FARS2: variants seen among roughly 807,000 people sequenced by gnomAD.
FARS2 encodes phenylalanine--tRNA ligase, mitochondrial.
A neutral mutation model predicts 46.4 loss-of-function variants in FARS2; 40 were observed. That is an observed-to-expected ratio of 0.86 (90% CI 0.67 to 1.12). The LOEUF is 1.12. Ranked by LOEUF, FARS2 falls within the 50% of genes most tolerant of loss-of-function variation. The pLI is 0.00. For synonymous variants in FARS2, 234 were observed against 214.9 expected, an observed-to-expected ratio of 1.09 and a Z score of -0.78; for missense variants, 513 against 567.9, an observed-to-expected ratio of 0.90 and a Z score of 0.98.
intron 1 of FARS2, among the ~76,000 whole-genome samples, chr6:5,312,482 G>A (rs1291089522): frequency 2.0e-5 from 3 of 152,176 alleles, no homozygotes; most frequent in Non-Finnish European, 4.4e-5. Context: ...CAGTGGTCCT[G>A]AAGATTAGAC....
chr6:5,278,248 C>G (rs1766475751), intron 1 of FARS2, among the ~76,000 whole-genome samples: 1 of 152,194 alleles, frequency 6.6e-6, no homozygotes, highest in South Asian at 2.1e-4. Context: ...AACCTATTCT[C>G]TCCTCACCCC....
At position 5,606,462 on chromosome 6, in the gene FARS2, C is replaced by T. The variant is rs534727168; in HGVS notation, c.1066-6707C>T. Among the ~76,000 whole-genome samples the T allele has an allele frequency of 4.0e-3, 606 of 152,030 alleles. 4 individuals are homozygous for T. Among genetic ancestry groups the T allele is most frequent in the African/African-American group, 0.014 (575 of 41,480 alleles). ...TGAGGGGTTTCAGACATGTAAATAC[C>T]GAGAGAGTTTGCCTCCTGTGGACTT... is the stretch of plus-strand genomic sequence containing the variant. On this transcript the variant is annotated intron_variant, in intron 5 of 6. Coordinates refer to ENST00000274680, the MANE Select transcript of FARS2 (RefSeq NM_006567.5).
intron 1 of FARS2, among the ~76,000 whole-genome samples, chr6:5,360,038 G>A (rs1758201751): frequency 6.6e-6 from 1 of 152,114 alleles, no homozygotes; most frequent in Non-Finnish European, 1.5e-5. Flanking sequence ...TAGAAATTAG[G>A]TACACCAAAT....
chr6:5,432,327 A>AT (rs1331215297), intron 4 of FARS2, among the ~76,000 whole-genome samples: 748 of 60,798 alleles, frequency 0.012, 4 homozygotes, highest in East Asian at 0.06. Flanking sequence ...AAAAAAAAAA[A>AT]ATATATATAT....
intron 3 of FARS2, among the ~76,000 whole-genome samples, chr6:5,422,977 A>G (rs918753834): frequency 6.6e-6 from 1 of 152,144 alleles, no homozygotes; most frequent in African/African-American, 2.4e-5. Context: ...ACAAAATTGA[A>G]GCAGTGCGAG....
chr6:5,483,508 A>C (rs1425109358), intron 4 of FARS2, among the ~76,000 whole-genome samples: 2 of 152,068 alleles, frequency 1.3e-5, no homozygotes, highest in Non-Finnish European at 2.9e-5. Context: ...TCTTACTAAA[A>C]ATACAAAAAT....
Position 5,471,609 on chromosome 6 carries a change from C to T in FARS2, c.904+40437C>T, listed in dbSNP as rs1283136921. 1.3e-5 allele frequency among the ~76,000 whole-genome samples: 2 copies of T among 152,142 alleles called. No homozygotes were observed. The highest frequency in any genetic ancestry group is 6.5e-5 in the Admixed American group (1 of 15,280). ...ATTCTAGTGGCTCTTTGCTTTTAAC[C>T]AACAAAGGCCCTTAAGAAAAGGAAA... On this transcript the variant is annotated intron_variant, in intron 4 of 6. Coordinates refer to ENST00000274680, the MANE Select transcript of FARS2 (RefSeq NM_006567.5). The surrounding 1 kb of genome is among the most constrained non-coding windows in gnomAD (Gnocchi z 4.1).
At chr6:5,690,687 C>A (rs1433701253) in intron 6 of FARS2, among the ~76,000 whole-genome samples, 2 of 152,082 alleles carry the variant, frequency 1.3e-5, no homozygotes, top group East Asian at 3.9e-4. Flanking sequence ...TGGAGTTGCT[C>A]TTCTCGAGGA....
At chr6:5,529,565 C>A (rs1303881784) in intron 4 of FARS2, among the ~76,000 whole-genome samples, 1 of 152,202 alleles carries the variant, frequency 6.6e-6, no homozygotes, top group Non-Finnish European at 1.5e-5. Context: ...CTCAGCCTCT[C>A]AAAGTGCTGG....
intron 5 of FARS2, chr6:5,609,650 G>T: frequency 8.1e-7 from 1 of 1,229,548 alleles, no homozygotes; most frequent in Non-Finnish European, 1.2e-6. Context: ...CTTTGACAGG[G>T]CTTTCCTAAC....
At chr6:5,436,345 A>G (rs772280117) in intron 4 of FARS2, among the ~76,000 whole-genome samples, 6 of 151,254 alleles carry the variant, frequency 4.0e-5, no homozygotes, top group Non-Finnish European at 5.9e-5. Context: ...TATAGCCTCT[A>G]CACATACTTA....
intron 5 of FARS2, among the ~76,000 whole-genome samples, chr6:5,596,550 G>A (rs7739718): frequency 0.83 from 126,235 of 152,216 alleles, 52,520 homozygotes; most frequent in African/African-American, 0.89. Flanking sequence ...TAAAGGGCTT[G>A]GAATTTTAGC....
chr6:5,437,394 A>C (rs1287431232), intron 4 of FARS2, among the ~76,000 whole-genome samples: 2 of 152,142 alleles, frequency 1.3e-5, no homozygotes, highest in Non-Finnish European at 2.9e-5. Context: ...TCTTCTTTCT[A>C]TGTTTACTGA....
chr6:5,319,122 A>G (rs185895822), intron 1 of FARS2, among the ~76,000 whole-genome samples: 55 of 152,232 alleles, frequency 3.6e-4, no homozygotes, highest in African/African-American at 1.2e-3. Flanking sequence ...GTGCCCTCCC[A>G]GGAATGTCAG....
chr6:5,352,945 AT>A (rs1757667247), intron 1 of FARS2, among the ~76,000 whole-genome samples: 1 of 152,146 alleles, frequency 6.6e-6, no homozygotes, highest in Admixed American at 6.6e-5. Context: ...TCTTCTAGAT[AT>A]TTTGAAATTA....
chr6:5,451,050 G>C (rs1764463856), intron 4 of FARS2, among the ~76,000 whole-genome samples: 1 of 151,838 alleles, frequency 6.6e-6, no homozygotes, highest in Non-Finnish European at 1.5e-5. Flanking sequence ...AACACTTCAG[G>C]GTTTTCTAGG....
intron 5 of FARS2, among the ~76,000 whole-genome samples, chr6:5,547,299 A>G (rs139618301): frequency 2.0e-5 from 3 of 151,560 alleles, no homozygotes; most frequent in African/African-American, 7.3e-5. Context: ...CAACCATTTG[A>G]TTATCTAGTG....
intron 1 of FARS2, among the ~76,000 whole-genome samples, chr6:5,342,087 C>A (rs1282043735): frequency 6.6e-6 from 1 of 152,128 alleles, no homozygotes; most frequent in Non-Finnish European, 1.5e-5. Flanking sequence ...GAACTGAGAC[C>A]TAGAAAGCAA....
At chr6:5,443,376 A>G (rs540856052) in intron 4 of FARS2, among the ~76,000 whole-genome samples, 2 of 152,280 alleles carry the variant, frequency 1.3e-5, no homozygotes, top group South Asian at 4.2e-4. Context: ...CCCTCCCTGT[A>G]TCTGTGCACT....
Sources: gnomAD v4.1 joint callset for allele counts (sites outside exome capture counted in the v4.1 genomes callset) on GRCh38, gnomAD v4.1.1 for gene constraint, Gnocchi (gnomAD v3.1) non-coding constraint, MANE v1.5 for transcripts, NCBI Gene and HGNC (gene_info 2026-07-23, HGNC 2026-07-21) for gene names.